Variants in ERC2 observed in about 807,000 individuals in gnomAD.
The protein encoded by ERC2 is ELKS/RAB6-interacting/CAST family member 2, also known as ERC protein 2.
ERC2 carries 42 observed loss-of-function variants against 114.8 expected under a neutral mutation model. That is an observed-to-expected ratio of 0.37 (90% CI 0.29 to 0.47). The LOEUF (loss-of-function observed/expected upper bound fraction) is 0.47. ERC2 is among the 20% of genes least tolerant of loss of function. The pLI, the probability that ERC2 is intolerant of heterozygous loss-of-function variation, is 0.99. For missense variants in ERC2, 939 were observed against 1,150.7 expected, an observed-to-expected ratio of 0.82 and a Z score of 2.66; for synonymous variants, 454 against 425.5, an observed-to-expected ratio of 1.07 and a Z score of -0.82.
intron 5 of ERC2, 80 bp downstream of exon 5, chr3:56,148,897 G>T: frequency 7.8e-7 from 1 of 1,281,212 alleles, no homozygotes; most frequent in Non-Finnish European, 1.1e-6. Flanking sequence ...ATTATATGGA[G>T]TATTTGGAAA....
chr3:56,277,029 T>C (rs2054049936), intron 3 of ERC2, among the ~76,000 whole-genome samples: 1 of 152,236 alleles, frequency 6.6e-6, no homozygotes, highest in African/African-American at 2.4e-5. Context: ...GCCTCATCCC[T>C]AGGGACCAAA....
At chr3:55,675,638 T>C (rs1209594544) in intron 17 of ERC2, among the ~76,000 whole-genome samples, 4 of 152,146 alleles carry the variant, frequency 2.6e-5, no homozygotes, top group African/African-American at 9.7e-5. Flanking sequence ...GAGCATTACG[T>C]TGGCCACCAA....
At chr3:55,549,459 G>A (rs577953016) in intron 17 of ERC2, among the ~76,000 whole-genome samples, 46 of 150,074 alleles carry the variant, frequency 3.1e-4, no homozygotes, top group South Asian at 2.5e-3. Context: ...ACCAGATGCG[G>A]AGCAAATGCC....
intron 2 of ERC2, among the ~76,000 whole-genome samples, chr3:56,377,255 T>C (rs2059581501): frequency 6.6e-6 from 1 of 152,130 alleles, no homozygotes; most frequent in Admixed American, 6.6e-5. Context: ...CATGAAAACA[T>C]AAACAATCTT....
chr3:56,208,742 C>T (rs115324274), intron 3 of ERC2, among the ~76,000 whole-genome samples: 2,186 of 152,224 alleles, frequency 0.014, 59 homozygotes, highest in African/African-American at 0.05. Context: ...AAGGCCAGAC[C>T]GTAAACTCTC....
At chr3:56,278,255 C>A (rs2054134348) in intron 3 of ERC2, among the ~76,000 whole-genome samples, 1 of 152,212 alleles carries the variant, frequency 6.6e-6, no homozygotes, top group Non-Finnish European at 1.5e-5. Flanking sequence ...ACATCATTAA[C>A]TCTGTGTTCC....
chr3:56,068,172 C>CT (rs1296831446), intron 7 of ERC2, among the ~76,000 whole-genome samples: 2 of 152,086 alleles, frequency 1.3e-5, no homozygotes, highest in Non-Finnish European at 2.9e-5. Flanking sequence ...TGCTCCTGGG[C>CT]TTTTTTTGGT....
chr3:56,311,596 GC>G (rs1266297682), intron 2 of ERC2, among the ~76,000 whole-genome samples: 4 of 151,820 alleles, frequency 2.6e-5, no homozygotes, highest in African/African-American at 9.7e-5. Flanking sequence ...ACAGCGCCTG[GC>G]CAATATTTTT....
intron 6 of ERC2, among the ~76,000 whole-genome samples, chr3:56,139,178 T>C (rs1280516297): frequency 6.6e-6 from 1 of 152,198 alleles, no homozygotes; most frequent in African/African-American, 2.4e-5. Flanking sequence ...AAATTCCAAG[T>C]GTGAACCAAA....
chr3:56,411,352 G>A (rs1442534879), intron 2 of ERC2, among the ~76,000 whole-genome samples: 2 of 151,704 alleles, frequency 1.3e-5, no homozygotes, highest in African/African-American at 4.8e-5. Context: ...CCCAACGTGA[G>A]CACAGCCCCA....
At chr3:56,452,374 T>C (rs185809225) in intron 1 of ERC2, among the ~76,000 whole-genome samples, 327 of 152,332 alleles carry the variant, frequency 2.1e-3, no homozygotes, top group Non-Finnish European at 3.4e-3. Context: ...GTAGACCAGA[T>C]GATGCCAAAG....
intron 3 of ERC2, among the ~76,000 whole-genome samples, chr3:56,222,112 A>G (rs985854350): frequency 6.6e-6 from 1 of 152,140 alleles, no homozygotes; most frequent in African/African-American, 2.4e-5. Flanking sequence ...TTAGTAATCA[A>G]AGGCAATGCT....
At chr3:55,706,174 G>T (rs1465968425) in intron 15 of ERC2, among the ~76,000 whole-genome samples, 1 of 152,134 alleles carries the variant, frequency 6.6e-6, no homozygotes. Flanking sequence ...ACCCTACAGT[G>T]TGCTCCAGAA....
At position 55,808,757 on chromosome 3, in the gene ERC2, C is replaced by CATATAT. The variant is rs59418105; in HGVS notation, c.2565-73845_2565-73840dup. Among the ~76,000 whole-genome samples, 89 of 96,988 alleles carry CATATAT rather than the reference C, an allele frequency of 9.2e-4. 1 individual carries two copies. Among genetic ancestry groups the CATATAT allele is most frequent in the East Asian group, 2.2e-3 (7 of 3,158 alleles). The allele number at this position is 96,988 out of a possible 152,430, so 63.6% of individuals were successfully genotyped here. The stretch of plus-strand genomic sequence containing the variant: ...TATATATATATAACGTATAACTAAA[C>CATATAT]ATATATATATATATATATAATTGTG... On this transcript the variant is annotated intron_variant, in intron 14 of 17. Transcript: ENST00000288221.
chr3:55,960,367 G>A (rs2068274935), intron 12 of ERC2, among the ~76,000 whole-genome samples: 1 of 152,044 alleles, frequency 6.6e-6, no homozygotes, highest in South Asian at 2.1e-4. Flanking sequence ...GAAGGTATAG[G>A]CACAGGCTAT....
intron 12 of ERC2, among the ~76,000 whole-genome samples, chr3:55,981,545 C>G (rs2149504687): frequency 6.6e-6 from 1 of 152,080 alleles, no homozygotes; most frequent in East Asian, 1.9e-4. Context: ...AACACCCAGC[C>G]AGCACAGACT....
intron 16 of ERC2, among the ~76,000 whole-genome samples, chr3:55,688,233 G>C (rs1431440520): frequency 1.3e-5 from 2 of 152,190 alleles, no homozygotes; most frequent in Non-Finnish European, 2.9e-5. Flanking sequence ...AAAAGAGCCA[G>C]TATGTATTTG....
At chr3:56,354,918 A>C (rs1249730059) in intron 2 of ERC2, among the ~76,000 whole-genome samples, 1 of 152,224 alleles carries the variant, frequency 6.6e-6, no homozygotes, top group East Asian at 1.9e-4. Context: ...TGTATGTTTG[A>C]ATTAGCAAAT....
At chr3:56,311,216 G>C (rs1310234965) in intron 2 of ERC2, among the ~76,000 whole-genome samples, 1 of 133,360 alleles carries the variant, frequency 7.5e-6, no homozygotes, top group Non-Finnish European at 1.6e-5. Flanking sequence ...CAGTGTTCTT[G>C]GGATATCCAT....
Sources: allele counts gnomAD v4.1 joint callset (sites outside exome capture counted in the v4.1 genomes callset), GRCh38; gene constraint gnomAD v4.1.1; transcripts MANE v1.5; gene names NCBI Gene and HGNC (gene_info 2026-07-23, HGNC 2026-07-21).